The following TMEM164 variants were observed in gnomAD, a reference collection of about 807,000 sequenced individuals.
TMEM164 encodes the protein RP13-360B22.2.
A neutral mutation model predicts 18.8 loss-of-function variants in TMEM164; 4 were observed. The ratio of observed to expected loss-of-function variants is 0.21; its 90% CI spans 0.10 to 0.49. The LOEUF is 0.49. TMEM164 is among the 20% of genes least tolerant of loss of function. TMEM164 has a pLI of 0.98. For missense variants in TMEM164, 108 were observed against 239.9 expected (o/e 0.45, Z 3.63); for synonymous variants, 86 against 101.7 (o/e 0.85, Z 0.93).
rs1050892795 is a variant in TMEM164 at position 110,175,862 on chromosome X, A to C, written c.*2411A>C. ...CTTGGGCCAAGCCAACGTGGAGAGA[A>C]GCAACCCAACCAGACTCTTGGCAGC... On this transcript the variant is annotated 3_prime_UTR_variant, in exon 7 of 7. Coordinates refer to ENST00000372068, the MANE Select transcript of TMEM164 (RefSeq NM_032227.4). The C allele has an allele frequency of 1.2e-4, 92 of 754,324 alleles. No individual in the cohort carries two copies. Among genetic ancestry groups the C allele is most frequent in the Non-Finnish European group, 1.3e-4 (85 of 639,742 alleles). The allele number at this position is 754,324 out of a possible 1,213,427, so 62.2% of individuals were successfully genotyped here.
At chrX:110,109,348 T>C (rs1163560372) in intron 4 of TMEM164, among the ~76,000 whole-genome samples, 1 of 111,598 alleles carries the variant, frequency 9.0e-6, no homozygotes, top group Non-Finnish European at 1.9e-5. Flanking sequence ...TGAAGCCCTA[T>C]CTCTACTAAT....
intron 3 of TMEM164, among the ~76,000 whole-genome samples, chrX:110,105,175 A>T (rs866895392): frequency 3.4e-5 from 3 of 89,006 alleles, no homozygotes; most frequent in Non-Finnish European, 6.6e-5. Flanking sequence ...CTTCCATCCA[A>T]CCATCCATCC....
intron 5 of TMEM164, among the ~76,000 whole-genome samples, chrX:110,151,443 T>A (rs1274812116): frequency 8.9e-6 from 1 of 112,023 alleles, no homozygotes; most frequent in Non-Finnish European, 1.9e-5. Flanking sequence ...GATTTTAATT[T>A]TAATTTCACT....
intron 3 of TMEM164, 123 bp from the exon 4 acceptor site, chrX:110,108,957 C>A: frequency 1.6e-6 from 1 of 611,944 alleles, no homozygotes; most frequent in Non-Finnish European, 2.6e-6. Flanking sequence ...TGCCATTTTC[C>A]ACAGAGAGCA....
rs746937344 is a variant in TMEM164 at position 110,049,580 on chromosome X, G to A, written c.391-17767G>A. ...CTCACTCATCTGGCACTCACTTCCTGCTGTGTGGCTTGGTTCCTAACAGGC... is the reference window on the plus strand; with the variant it reads ...CTCACTCATCTGGCACTCACTTCCTACTGTGTGGCTTGGTTCCTAACAGGC... On this transcript the variant is annotated intron_variant, in intron 2 of 6. Transcript: ENST00000372068. Among the ~76,000 whole-genome samples the A allele has an allele frequency of 2.4e-3, 264 of 111,493 alleles. 1 individual carries two copies. The highest frequency in any genetic ancestry group is 8.2e-3 in the African/African-American group (251 of 30,682).
downstream of TMEM164, among the ~76,000 whole-genome samples, chrX:110,180,258 G>A (rs2067318234): frequency 8.9e-6 from 1 of 112,563 alleles, no homozygotes; most frequent in African/African-American, 3.2e-5. Context: ...CCCATGGAAT[G>A]TGTCATCCAC....
At chrX:110,161,990 G>C (rs774124784) in intron 5 of TMEM164, among the ~76,000 whole-genome samples, 5 of 112,857 alleles carry the variant, frequency 4.4e-5, no homozygotes, top group Admixed American at 2.8e-4. Context: ...CCTCACCCTA[G>C]ATCTACTAGA....
rs183555623 is a variant in TMEM164, at chrX:110,177,590, T to G, written c.*4139T>G. On this transcript the variant is annotated 3_prime_UTR_variant, in exon 7 of 7. Coordinates refer to ENST00000372068, the MANE Select transcript of TMEM164 (RefSeq NM_032227.4). ...TTTGTAATGTGTTTTCTCTGTCTTGTAAAACCTTTTGATTGTACCGAAATG... is the reference window on the plus strand; with the variant it reads ...TTTGTAATGTGTTTTCTCTGTCTTGGAAAACCTTTTGATTGTACCGAAATG... 13 of 112,771 alleles carry G rather than the reference T, an allele frequency of 1.2e-4. No homozygotes were observed. The highest frequency in any genetic ancestry group is 4.2e-4 in the African/African-American group (13 of 31,046). 9.3% of individuals were successfully genotyped at this position (112,771 alleles called of 1,213,427 possible).
At chrX:110,019,173 A>G (rs1422581166) in intron 2 of TMEM164, among the ~76,000 whole-genome samples, 1 of 111,317 alleles carries the variant, frequency 9.0e-6, no homozygotes, top group Non-Finnish European at 1.9e-5. Context: ...ATGAAACAGT[A>G]TCATCTGCCA....
intron 2 of TMEM164, among the ~76,000 whole-genome samples, chrX:110,030,323 G>T (rs181877007): frequency 9.3e-6 from 1 of 107,152 alleles, no homozygotes; most frequent in East Asian, 2.9e-4. Context: ...GTTTCACTGC[G>T]TTGCCGAGGC....
At chrX:110,008,401 C>T (rs770249925) in intron 2 of TMEM164, among the ~76,000 whole-genome samples, 165 of 111,780 alleles carry the variant, frequency 1.5e-3, no homozygotes, top group African/African-American at 5.0e-3. Context: ...ATCATTCCTG[C>T]TTGGAATTGA....
intron 5 of TMEM164, among the ~76,000 whole-genome samples, chrX:110,166,222 A>C (rs779901596): frequency 1.8e-5 from 2 of 111,486 alleles, no homozygotes; most frequent in East Asian, 5.6e-4. Context: ...CCCTACCCTA[A>C]CCCCTTCTGG....
rs1272201112 is a variant in TMEM164, at chrX:110,122,574, TAATAA to T, written c.507+13446_507+13450del. 4.6e-3 allele frequency among the ~76,000 whole-genome samples: 506 copies of T among 110,032 alleles called. 1 individual carries two copies. The highest frequency in any genetic ancestry group is 6.6e-3 in the Non-Finnish European group (346 of 52,676). On this transcript the variant is annotated intron_variant, in intron 4 of 6. Coordinates refer to ENST00000372068, the MANE Select transcript of TMEM164 (RefSeq NM_032227.4). Reference sequence around the variant, plus strand: ...TACCCTAAAACTTAAAGTATAATAATAATAAAATAAAATAAAATAAAAAAATAAAA... The same window carrying T: ...TACCCTAAAACTTAAAGTATAATAATAATAAAATAAAATAAAAAAATAAAA...
At chrX:110,139,673 G>T (rs768060329) in intron 4 of TMEM164, among the ~76,000 whole-genome samples, 1 of 111,784 alleles carries the variant, frequency 8.9e-6, no homozygotes, top group South Asian at 3.8e-4. Flanking sequence ...CCAGGAATGT[G>T]GTATTGCAAG....
intron 2 of TMEM164, among the ~76,000 whole-genome samples, chrX:110,030,556 CACCTG>C (rs748801027): frequency 9.2e-6 from 1 of 108,324 alleles, no homozygotes; most frequent in Non-Finnish European, 1.9e-5. Flanking sequence ...CAGTGGCTCA[CACCTG>C]TAATCCCAGC....
At chrX:110,179,144 G>C (rs180717579), downstream of TMEM164, among the ~76,000 whole-genome samples, 39 of 112,076 alleles carry the variant, frequency 3.5e-4, no homozygotes, top group East Asian at 4.2e-3. Flanking sequence ...GAAGGGGAAG[G>C]ATGGAAAGAG....
intron 2 of TMEM164, among the ~76,000 whole-genome samples, chrX:110,062,852 C>T (rs1389443200): frequency 9.0e-6 from 1 of 111,199 alleles, no homozygotes; most frequent in Admixed American, 9.6e-5. Context: ...AGTGGCAAGC[C>T]ATGGAAGGAT....
intron 2 of TMEM164, among the ~76,000 whole-genome samples, chrX:110,010,179 G>A (rs1262587310): frequency 8.9e-6 from 1 of 112,007 alleles, no homozygotes; most frequent in Non-Finnish European, 1.9e-5. Flanking sequence ...GTTGGATCTT[G>A]ATCTTAATCT....
intron 5 of TMEM164, among the ~76,000 whole-genome samples, chrX:110,148,675 ATTTTTTT>A (rs373500523): frequency 1.5e-3 from 105 of 67,889 alleles, no homozygotes; most frequent in South Asian, 3.6e-3. Context: ...CACCCGGCTC[ATTTTTTT>A]TTTTTTTTTT....
Sources: gnomAD v4.1 joint callset for allele counts (sites outside exome capture counted in the v4.1 genomes callset) on GRCh38, gnomAD v4.1.1 for gene constraint, MANE v1.5 for transcripts, NCBI Gene and HGNC (gene_info 2026-07-23, HGNC 2026-07-21) for gene names.